The following ADAMTSL1 variants were observed in gnomAD, a reference collection of about 807,000 sequenced individuals.
ADAMTSL1 encodes the protein ADAMTS-like protein 1.
ADAMTSL1 carries 126 observed loss-of-function variants against 201.8 expected under a neutral mutation model. The ratio of observed to expected loss-of-function variants is 0.62; its 90% CI spans 0.54 to 0.72. The LOEUF is 0.72. Ranked by LOEUF, ADAMTSL1 falls within the 30% of genes least tolerant of loss-of-function variation. The pLI, the probability that ADAMTSL1 is intolerant of heterozygous loss-of-function variation, is 0.00. For missense variants in ADAMTSL1, 2,679 were observed against 2,277.8 expected, an observed-to-expected ratio of 1.18 and a Z score of -3.59; for synonymous variants, 1,121 against 903.4, an observed-to-expected ratio of 1.24 and a Z score of -4.32.
At chr9:18,827,384 C>A (rs181155701) in intron 22 of ADAMTSL1, among the ~76,000 whole-genome samples, 92 of 152,210 alleles carry the variant, frequency 6.0e-4, no homozygotes, top group Non-Finnish European at 1.1e-3. Flanking sequence ...TGTTTTCACA[C>A]CGAGAGTTGA....
intron 23 of ADAMTSL1, among the ~76,000 whole-genome samples, chr9:18,840,091 T>C (rs930919563): frequency 6.8e-6 from 1 of 147,542 alleles, no homozygotes; most frequent in Non-Finnish European, 1.5e-5. Flanking sequence ...TTTGGTGTTT[T>C]AGACATGAAG....
chr9:18,657,028 A>G (rs1418991044), intron 7 of ADAMTSL1, among the ~76,000 whole-genome samples: 2 of 152,194 alleles, frequency 1.3e-5, no homozygotes, highest in Non-Finnish European at 2.9e-5. Context: ...TATGACATAA[A>G]TTTGTGTTTT....
intron 1 of ADAMTSL1, among the ~76,000 whole-genome samples, chr9:17,935,828 G>C (rs1826984008): frequency 6.6e-6 from 1 of 152,146 alleles, no homozygotes; most frequent in Non-Finnish European, 1.5e-5. Context: ...TCTACCTTCA[G>C]TCTCGTCTCA....
intron 15 of ADAMTSL1, among the ~76,000 whole-genome samples, chr9:18,735,748 C>CTTTTCTTTTCTTTTTTTT (rs762386875): frequency 3.7e-5 from 4 of 106,686 alleles, no homozygotes; most frequent in Non-Finnish European, 5.8e-5. Context: ...ATTCTTTTTT[C>CTTTTCTTTTCTTTTTTTT]TTTTTTTTTT....
chr9:18,904,755 T>G (rs1445149339), intron 26 of ADAMTSL1, among the ~76,000 whole-genome samples: 1 of 128,454 alleles, frequency 7.8e-6, no homozygotes, highest in Non-Finnish European at 1.6e-5. Flanking sequence ...TTTTTTTACA[T>G]TTACCCCAAC....
In ADAMTSL1 at chr9:18,521,484, A is replaced by G. The variant is rs536612736; in HGVS notation, c.192-11763A>G. 2.0e-5 allele frequency among the ~76,000 whole-genome samples: 3 copies of G among 152,060 alleles called. No individual in the cohort carries two copies. The South Asian group carries it at 6.2e-4, about 32-fold the overall frequency. On this transcript the variant is annotated intron_variant, in intron 2 of 28. Coordinates refer to ENST00000380548, the MANE Select transcript of ADAMTSL1 (RefSeq NM_001040272.6). The stretch of plus-strand genomic sequence containing the variant: ...ATTTAAAAAAAGCATTGTCCTGAAT[A>G]AATATATATTTATTCAATGTTTATT...
chr9:18,340,735 G>A (rs990418829), intron 2 of ADAMTSL1, among the ~76,000 whole-genome samples: 2 of 152,072 alleles, frequency 1.3e-5, no homozygotes, highest in Non-Finnish European at 2.9e-5. Context: ...CCCTGCACAT[G>A]CTCTCTCTTG....
chr9:17,932,772 C>T (rs1826848926), intron 1 of ADAMTSL1, among the ~76,000 whole-genome samples: 1 of 152,128 alleles, frequency 6.6e-6, no homozygotes, highest in African/African-American at 2.4e-5. Context: ...TTACAATAGA[C>T]TATTCTCCAT....
intron 1 of ADAMTSL1, among the ~76,000 whole-genome samples, chr9:17,943,451 T>A (rs1317002873): frequency 6.6e-6 from 1 of 152,122 alleles, no homozygotes; most frequent in Non-Finnish European, 1.5e-5. Context: ...GAGATAATTT[T>A]TCTTGACTTC....
At chr9:18,293,203 G>A (rs1833341405) in intron 2 of ADAMTSL1, among the ~76,000 whole-genome samples, 1 of 152,170 alleles carries the variant, frequency 6.6e-6, no homozygotes, top group Non-Finnish European at 1.5e-5. Context: ...CTTTGCTATT[G>A]TGAATGGTGC....
At chr9:18,654,089 C>T (rs916887081) in intron 7 of ADAMTSL1, among the ~76,000 whole-genome samples, 2 of 152,224 alleles carry the variant, frequency 1.3e-5, no homozygotes, top group Admixed American at 1.3e-4. Context: ...ATTAGCTGGG[C>T]ATGGTGGTGG....
At chr9:18,847,858 G>T (rs1480526283) in intron 23 of ADAMTSL1, among the ~76,000 whole-genome samples, 1 of 152,176 alleles carries the variant, frequency 6.6e-6, no homozygotes, top group African/African-American at 2.4e-5. Context: ...CCTTGTAAAT[G>T]GTCACTTTAA....
At chr9:18,697,731 G>A (rs984539394) in intron 13 of ADAMTSL1, among the ~76,000 whole-genome samples, 1 of 152,226 alleles carries the variant, frequency 6.6e-6, no homozygotes, top group Non-Finnish European at 1.5e-5. Context: ...GAAGGAAATT[G>A]AGGGGTCAAG....
At chr9:18,635,844 A>G in intron 5 of ADAMTSL1, 99 bp from the exon 6 acceptor site, 1 of 940,528 alleles carries the variant, frequency 1.1e-6, no homozygotes, top group Non-Finnish European at 1.6e-6. Flanking sequence ...AAAAAACTGT[A>G]GTTTTTAAGG....
intron 2 of ADAMTSL1, among the ~76,000 whole-genome samples, chr9:18,194,796 C>G (rs1829108734): frequency 6.6e-6 from 1 of 152,032 alleles, no homozygotes; most frequent in East Asian, 1.9e-4. Context: ...TCAAGCCTGC[C>G]TAGACTTTCT....
intron 15 of ADAMTSL1, among the ~76,000 whole-genome samples, chr9:18,739,899 C>CCGTGTGTGTGTGTGTGTGTG (rs1554746692): frequency 8.2e-4 from 121 of 148,236 alleles, no homozygotes; most frequent in South Asian, 8.7e-4. Context: ...TGTCTACTAT[C>CCGTGTGTGTGTGTGTGTGTG]TGTGTGTGTG....
At chr9:18,822,411 T>C (rs1197580087) in intron 21 of ADAMTSL1, among the ~76,000 whole-genome samples, 1 of 152,212 alleles carries the variant, frequency 6.6e-6, no homozygotes, top group African/African-American at 2.4e-5. Flanking sequence ...AATTAAGCCT[T>C]TGACAGTTCA....
intron 1 of ADAMTSL1, among the ~76,000 whole-genome samples, chr9:17,937,142 A>G (rs1044798183): frequency 6.6e-6 from 1 of 152,146 alleles, no homozygotes; most frequent in Non-Finnish European, 1.5e-5. Context: ...GCTTAGAAAC[A>G]TTAGAAACAA....
intron 2 of ADAMTSL1, among the ~76,000 whole-genome samples, chr9:18,531,370 G>C (rs1819433471): frequency 6.6e-6 from 1 of 152,204 alleles, no homozygotes; most frequent in Non-Finnish European, 1.5e-5. Context: ...TGTGGAGATT[G>C]CAGCAGTCTT....
Sources: gnomAD v4.1 joint callset for allele counts (sites outside exome capture counted in the v4.1 genomes callset) on GRCh38, gnomAD v4.1.1 for gene constraint, MANE v1.5 for transcripts, NCBI Gene and HGNC (gene_info 2026-07-23, HGNC 2026-07-21) for gene names.